The following RGS6 variants were observed in gnomAD, a reference collection of about 807,000 sequenced individuals.
RGS6 encodes regulator of G protein signaling 6.
Under a neutral mutation model 78.5 loss-of-function variants are expected in RGS6, and 30 were observed. The ratio of observed to expected loss-of-function variants is 0.38; its 90% confidence interval spans 0.29 to 0.52. The LOEUF is 0.52. Ranked by LOEUF, RGS6 falls within the 20% of genes least tolerant of loss-of-function variation. RGS6 has a pLI of 0.85. For synonymous variants in RGS6, 206 were observed against 206.0 expected, an observed-to-expected ratio of 1.00 and a Z score of 0.00; for missense variants, 495 against 609.7, an observed-to-expected ratio of 0.81 and a Z score of 1.98.
chr14:72,108,145 T>C (rs796659945), intron 2 of RGS6, among the ~76,000 whole-genome samples: 68 of 152,288 alleles, frequency 4.5e-4, no homozygotes, highest in African/African-American at 1.5e-3. Context: ...GAATACCTTG[T>C]GTTCTTACAT....
intron 2 of RGS6, among the ~76,000 whole-genome samples, chr14:72,048,078 T>C (rs1260108821): frequency 1.3e-5 from 2 of 151,896 alleles, no homozygotes; most frequent in Non-Finnish European, 2.9e-5. Context: ...ACCAGAAATT[T>C]CCCAGGCAAA....
intron 3 of RGS6, among the ~76,000 whole-genome samples, chr14:72,416,283 T>C (rs1194989528): frequency 2.0e-5 from 3 of 152,202 alleles, no homozygotes; most frequent in African/African-American, 7.2e-5. Context: ...TCAAGGAACA[T>C]TGATCTGAAT....
chr14:72,051,612 A>C (rs2093249270), intron 2 of RGS6, among the ~76,000 whole-genome samples: 1 of 152,154 alleles, frequency 6.6e-6, no homozygotes, highest in African/African-American at 2.4e-5. Flanking sequence ...TGGCGGTGAA[A>C]GGGGTACAGA....
At chr14:72,243,962 T>C (rs1021599435) in intron 2 of RGS6, among the ~76,000 whole-genome samples, 1 of 152,202 alleles carries the variant, frequency 6.6e-6, no homozygotes, top group African/African-American at 2.4e-5. Flanking sequence ...TTGAATTCTA[T>C]TCATCAATAT....
At chr14:72,622,613 T>G in the RGS6 span, among the ~76,000 whole-genome samples, 1 of 152,074 alleles carries the variant, frequency 6.6e-6, no homozygotes, top group Non-Finnish European at 1.5e-5. Flanking sequence ...AGAGTTTAAG[T>G]GCATTTTGCA....
At chr14:72,106,399 A>G (rs886082765) in intron 2 of RGS6, among the ~76,000 whole-genome samples, 2 of 152,194 alleles carry the variant, frequency 1.3e-5, no homozygotes, top group Non-Finnish European at 2.9e-5. Flanking sequence ...GTTTATTTTA[A>G]CAGGCTCTTC....
intron 2 of RGS6, among the ~76,000 whole-genome samples, chr14:72,059,510 G>A (rs1221224589): frequency 1.3e-5 from 2 of 152,148 alleles, no homozygotes; most frequent in Non-Finnish European, 2.9e-5. Context: ...TATGGTAACT[G>A]TTTTGTGTTT....
At chr14:72,584,885 A>T in the RGS6 span, among the ~76,000 whole-genome samples, 6 of 152,296 alleles carry the variant, frequency 3.9e-5, no homozygotes, top group East Asian at 1.2e-3. Flanking sequence ...GCAGGCAAGT[A>T]TAAGAGAGGC....
At chr14:72,357,614 A>G (rs2080596094) in intron 3 of RGS6, among the ~76,000 whole-genome samples, 2 of 152,202 alleles carry the variant, frequency 1.3e-5, no homozygotes, top group Admixed American at 1.3e-4. Context: ...GATTTGTGAA[A>G]CTTTGAACTT....
At chr14:72,123,435 A>G (rs1452843620) in intron 2 of RGS6, among the ~76,000 whole-genome samples, 1 of 152,094 alleles carries the variant, frequency 6.6e-6, no homozygotes, top group Admixed American at 6.6e-5. Flanking sequence ...TTGGGAAGCT[A>G]TTTCTTATTT....
At chr14:71,983,434 C>A (rs981265288) in intron 2 of RGS6, among the ~76,000 whole-genome samples, 3 of 152,162 alleles carry the variant, frequency 2.0e-5, no homozygotes, top group Non-Finnish European at 2.9e-5. Context: ...GTAACAAAGT[C>A]CCACAAACTA....
intron 2 of RGS6, among the ~76,000 whole-genome samples, chr14:72,046,699 A>T (rs2092873287): frequency 6.6e-6 from 1 of 151,490 alleles, no homozygotes; most frequent in Non-Finnish European, 1.5e-5. Context: ...ATCCTTCACT[A>T]AAAAGAGTTA....
chr14:72,355,617 T>A (rs879316330), intron 3 of RGS6, among the ~76,000 whole-genome samples: 3 of 152,210 alleles, frequency 2.0e-5, no homozygotes, highest in Non-Finnish European at 4.4e-5. Flanking sequence ...GGAATTTATA[T>A]TCTAGTAGAG....
the RGS6 span, among the ~76,000 whole-genome samples, chr14:72,580,315 A>C: frequency 0.28 from 35,978 of 128,918 alleles, 5,573 homozygotes; most frequent in East Asian, 0.59. Flanking sequence ...TGTCCCCCCC[A>C]CCCCGACCCC....
the RGS6 span, among the ~76,000 whole-genome samples, chr14:72,598,929 G>A: frequency 2.6e-5 from 4 of 152,134 alleles, no homozygotes; most frequent in Non-Finnish European, 5.9e-5. Flanking sequence ...TGGGAGACCC[G>A]GCGCAGCCAC....
At chr14:72,362,461 G>A (rs2081633441) in intron 3 of RGS6, among the ~76,000 whole-genome samples, 1 of 152,182 alleles carries the variant, frequency 6.6e-6, no homozygotes, top group African/African-American at 2.4e-5. Flanking sequence ...GCTGGTCTCA[G>A]CCATGAGGCC....
chr14:72,296,840 G>A (rs1157239219), intron 2 of RGS6, among the ~76,000 whole-genome samples: 2 of 152,196 alleles, frequency 1.3e-5, no homozygotes, highest in South Asian at 4.2e-4. Flanking sequence ...GTGTTTGAAG[G>A]AATCTTGCCT....
the RGS6 span, among the ~76,000 whole-genome samples, chr14:72,609,036 GT>G: frequency 6.6e-6 from 1 of 152,214 alleles, no homozygotes; most frequent in Non-Finnish European, 1.5e-5. Context: ...GTTTCCAAGA[GT>G]TTTAAAGCCT....
At chr14:72,370,970 G>A (rs1051484346) in intron 3 of RGS6, among the ~76,000 whole-genome samples, 4 of 152,186 alleles carry the variant, frequency 2.6e-5, no homozygotes, top group African/African-American at 7.2e-5. Flanking sequence ...CAGTTTTCTT[G>A]TTGTCCTTAA....
Sources: allele counts gnomAD v4.1 joint callset (sites outside exome capture counted in the v4.1 genomes callset), GRCh38; gene constraint gnomAD v4.1.1; transcripts MANE v1.5; gene names NCBI Gene and HGNC (gene_info 2026-07-23, HGNC 2026-07-21).